The following SBNO1 variants were observed in gnomAD, a reference collection of about 807,000 sequenced individuals.
The protein encoded by SBNO1 is protein strawberry notch homolog 1.
SBNO1 carries 23 observed loss-of-function variants against 173.6 expected under a neutral mutation model. The ratio of observed to expected loss-of-function variants is 0.13; its 90% CI spans 0.10 to 0.19. The LOEUF is 0.19. SBNO1 is among the 10% of genes least tolerant of loss of function. The pLI, the probability that SBNO1 is intolerant of heterozygous loss-of-function variation, is 1.00. For synonymous variants in SBNO1, 632 were observed against 571.5 expected (o/e 1.11, Z -1.51); for missense variants, 1,238 against 1,671.2 (o/e 0.74, Z 4.52).
chr12:123,325,647 C>A, intron 14 of SBNO1, 48 bp from the exon 15 acceptor site: 1 of 1,206,670 alleles, frequency 8.3e-7, no homozygotes, highest in Non-Finnish European at 1.2e-6. Context: ...ATGTTTGTGG[C>A]TTCTTACCAA....
chr12:123,296,539 A>G (rs1158030493), intron 31 of SBNO1, among the ~76,000 whole-genome samples: 6 of 150,316 alleles, frequency 4.0e-5, no homozygotes, highest in Admixed American at 3.4e-4. Flanking sequence ...GATAAATTGC[A>G]TGCATATATA....
At chr12:123,339,740 T>A (rs894773075) in intron 5 of SBNO1, among the ~76,000 whole-genome samples, 1 of 152,102 alleles carries the variant, frequency 6.6e-6, no homozygotes, top group East Asian at 1.9e-4. Flanking sequence ...TGAGCCAAGA[T>A]TGCACCACTA....
At chr12:123,335,590 T>C (rs1382505027) in intron 6 of SBNO1, among the ~76,000 whole-genome samples, 1 of 152,248 alleles carries the variant, frequency 6.6e-6, no homozygotes, top group African/African-American at 2.4e-5. Flanking sequence ...CAGAGAATGA[T>C]TTTGCCGTTT....
Position 123,348,698 on chromosome 12 carries a change from G to C in SBNO1, c.133-565C>G, listed in dbSNP as rs562863729. Among the ~76,000 whole-genome samples, 18 of 152,266 alleles carry C rather than the reference G, an allele frequency of 1.2e-4. No homozygotes were observed. In the South Asian group the frequency reaches 2.5e-3, roughly 21 times the overall value. The stretch of plus-strand genomic sequence containing the variant: ...GGAGAATGGCGTGAACCTGGGAGGC[G>C]GAGGTTGCAGTGAGTGGAGATTGCA... On this transcript the variant is annotated intron_variant, in intron 2 of 31. Coordinates refer to ENST00000602398, the MANE Select transcript of SBNO1 (RefSeq NM_001167856.3).
intron 31 of SBNO1, among the ~76,000 whole-genome samples, chr12:123,296,283 T>C (rs1437169527): frequency 2.0e-5 from 3 of 152,242 alleles, no homozygotes; most frequent in Non-Finnish European, 4.4e-5. Flanking sequence ...TGCTATCTTG[T>C]TGGAGGAATA....
intron 31 of SBNO1, among the ~76,000 whole-genome samples, chr12:123,297,504 A>G (rs1020101795): frequency 2.0e-5 from 3 of 150,384 alleles, no homozygotes; most frequent in African/African-American, 2.4e-5. Context: ...AACCAAGATA[A>G]GCAAACAGAG....
intron 8 of SBNO1, 48 bp from the exon 9 acceptor site, chr12:123,330,557 T>C: frequency 1.9e-6 from 2 of 1,072,524 alleles, no homozygotes; most frequent in Non-Finnish European, 2.7e-6. Context: ...TATATCATTC[T>C]AGAATTCAGG....
At chr12:123,361,198 C>T (rs61955085) in intron 1 of SBNO1, among the ~76,000 whole-genome samples, 4,195 of 151,998 alleles carry the variant, frequency 0.028, 90 homozygotes, top group South Asian at 0.054. Context: ...GAGCAGAGAT[C>T]ACACCACTGC....
intron 28 of SBNO1, among the ~76,000 whole-genome samples, chr12:123,307,973 G>A (rs1436660705): frequency 2.0e-5 from 3 of 152,180 alleles, no homozygotes; most frequent in Non-Finnish European, 4.4e-5. Context: ...TCGGGAGGCT[G>A]TGGCAGGAGA....
At chr12:123,308,697 G>A (rs2048983148) in intron 28 of SBNO1, among the ~76,000 whole-genome samples, 1 of 151,898 alleles carries the variant, frequency 6.6e-6, no homozygotes, top group Non-Finnish European at 1.5e-5. Context: ...ATTCAGCCAG[G>A]TGTGGTGGCT....
At chr12:123,308,465 T>C (rs1335495117) in intron 28 of SBNO1, among the ~76,000 whole-genome samples, 1 of 150,622 alleles carries the variant, frequency 6.6e-6, no homozygotes, top group Non-Finnish European at 1.5e-5. Flanking sequence ...GGTCAGGAGA[T>C]CGAGACCATC....
At chr12:123,304,402 T>A (rs2048864874) in intron 29 of SBNO1, 180 bp downstream of exon 29, 1 of 467,598 alleles carries the variant, frequency 2.1e-6, no homozygotes, top group Non-Finnish European at 3.9e-6. Context: ...CCTGGGATAA[T>A]ATTTTGCATT....
At chr12:123,337,140 A>ATT (rs774192479) in intron 5 of SBNO1, among the ~76,000 whole-genome samples, 18 of 152,276 alleles carry the variant, frequency 1.2e-4, no homozygotes, top group South Asian at 1.0e-3. Flanking sequence ...CATATAATTT[A>ATT]TTTTCCAAAC....
At chr12:123,352,147 C>T (rs1873950398) in intron 1 of SBNO1, among the ~76,000 whole-genome samples, 1 of 152,156 alleles carries the variant, frequency 6.6e-6, no homozygotes. Context: ...CCTGAAATAA[C>T]CAATTTACAT....
At chr12:123,325,411 A>C (rs1255352639) in intron 15 of SBNO1, 91 bp downstream of exon 15, 3 of 867,998 alleles carry the variant, frequency 3.5e-6, no homozygotes, top group Non-Finnish European at 5.6e-6. Context: ...AGGTGAAACA[A>C]AAGTTTTGTC....
intron 14 of SBNO1, 74 bp downstream of exon 14, chr12:123,326,078 C>T (rs1870583451): frequency 4.8e-6 from 5 of 1,031,726 alleles, no homozygotes; most frequent in Non-Finnish European, 6.7e-6. Flanking sequence ...ATTTTACAAG[C>T]AGAAAACCTC....
Position 123,313,699 on chromosome 12 carries a change from T to G in SBNO1, c.3141A>C (p.Glu1047Asp). ...FDNKYGRNAL[E>D]IVMKSIVNLD... ...AGTTTACAATGGATTTCATGACAAT[T>G]TCTAAAGCATTTCTTCCATACTGCA... Residue 1047 changes from glutamate (E) to aspartate (D), a missense_variant, in exon 24 of 32, where the codon GAA becomes GAC. Physicochemically the swap from Glu to Asp is conservative, Grantham distance 45. Coordinates refer to ENST00000602398, the MANE Select transcript of SBNO1 (RefSeq NM_001167856.3). The G allele has an allele frequency of 6.2e-7, 1 of 1,606,654 alleles. No homozygotes were observed.
intron 20 of SBNO1, among the ~76,000 whole-genome samples, chr12:123,319,033 G>A (rs1869651143): frequency 6.9e-6 from 1 of 145,846 alleles, no homozygotes; most frequent in Non-Finnish European, 1.5e-5. Flanking sequence ...GTGCAGTCTT[G>A]GCTCACTGCA....
intron 5 of SBNO1, among the ~76,000 whole-genome samples, chr12:123,339,585 G>C (rs941978799): frequency 6.6e-6 from 1 of 151,954 alleles, no homozygotes; most frequent in Non-Finnish European, 1.5e-5. Context: ...TCAGGTATTC[G>C]AGACCAGCCT....
Sources: allele counts gnomAD v4.1 joint callset (sites outside exome capture counted in the v4.1 genomes callset), GRCh38; gene constraint gnomAD v4.1.1; transcripts MANE v1.5; gene names NCBI Gene and HGNC (gene_info 2026-07-23, HGNC 2026-07-21).